The following LCTL variants were observed in gnomAD, a reference collection of about 807,000 sequenced individuals.
The protein encoded by LCTL is lactase-like protein.
Under a neutral mutation model 75.8 loss-of-function variants are expected in LCTL, and 76 were observed. That is an observed-to-expected ratio of 1.00 (90% CI 0.83 to 1.21). LCTL has a LOEUF of 1.21. Among genes scored for constraint, LCTL ranks in the 50% most tolerant of loss-of-function variants. The pLI, the probability that LCTL is intolerant of heterozygous loss-of-function variation, is 0.00. For synonymous variants in LCTL, 271 were observed against 268.8 expected (o/e 1.01, Z -0.08); for missense variants, 670 against 712.4 (o/e 0.94, Z 0.68).
chr15:66,565,096 AT>A (rs924828680), intron 1 of LCTL, 151 bp downstream of exon 2: 14 of 689,352 alleles, frequency 2.0e-5, no homozygotes, highest in African/African-American at 1.6e-4. Flanking sequence ...CAAAAAAAAA[AT>A]ATCTGTTAGG....
chr15:66,565,086 C>G lies in LCTL; in HGVS notation c.118+162G>C, dbSNP rs556291753. ...TTATCTGTGTAATTTTTAGTAACTT[C>G]AAAAAAAAAATATCTGTTAGGAGCT... On this transcript the variant is annotated intron_variant, in intron 1 of 12. Coordinates refer to ENST00000341509, the Ensembl canonical transcript of LCTL. Among the ~76,000 whole-genome samples the G allele has an allele frequency of 2.8e-4, 42 of 147,644 alleles. 1 individual carries two copies. In the East Asian group the frequency reaches 7.8e-3, roughly 28 times the overall value.
At chr15:66,560,377 C>T (rs1231098752) in intron 6 of LCTL, among the ~76,000 whole-genome samples, 1 of 152,082 alleles carries the variant, frequency 6.6e-6, no homozygotes, top group Admixed American at 6.6e-5. Context: ...CAAGGCTTTC[C>T]AGTAGCCCTT....
exon 10 of LCTL, chr15:66,552,150 G>T: frequency 1.2e-6 from 2 of 1,612,256 alleles, no homozygotes; most frequent in Non-Finnish European, 1.7e-6. Context: ...CACATATATG[G>T]GAGGATCACC....
At chr15:66,564,041 G>T in intron 2 of LCTL, 43 bp from the exon 4 acceptor site, 1 of 1,316,312 alleles carries the variant, frequency 7.6e-7, no homozygotes, top group Non-Finnish European at 1.1e-6. Context: ...TGGGCCCTGG[G>T]TATGGGAGGT....
exon 9 of LCTL, chr15:66,553,153 T>C: frequency 6.2e-7 from 1 of 1,611,832 alleles, no homozygotes; most frequent in Non-Finnish European, 8.5e-7. Context: ...AGTAGTAAAA[T>C]GACCTAATCC....
At position 66,558,120 on chromosome 15, in the gene LCTL, T is replaced by G. The variant is rs569033360; in HGVS notation, c.706-84A>C. On this transcript the variant is annotated intron_variant, in intron 6 of 12. Transcript: ENST00000341509. ...ATCTGAGTGGCCTTTCTTTGCTTCCTAACTTTAGAGCTATTATTTTCATCA... is the reference window on the plus strand; with the variant it reads ...ATCTGAGTGGCCTTTCTTTGCTTCCGAACTTTAGAGCTATTATTTTCATCA... 67 of 1,204,646 alleles carry G rather than the reference T, an allele frequency of 5.6e-5. 1 individual carries two copies. The South Asian group carries it at 8.3e-4, about 15-fold the overall frequency. 74.6% of individuals were successfully genotyped at this position (1,204,646 alleles called of 1,614,324 possible).
At chr15:66,564,585 C>T in intron 2 of LCTL, 91 bp downstream of exon 3, 3 of 1,427,098 alleles carry the variant, frequency 2.1e-6, no homozygotes, top group Non-Finnish European at 2.8e-6. Context: ...TCAGAGCTCC[C>T]CCAAACGTCA....
intron 2 of LCTL, 126 bp downstream of exon 3, chr15:66,564,550 G>A: frequency 8.7e-7 from 1 of 1,144,292 alleles, no homozygotes; most frequent in African/African-American, 1.6e-5. Context: ...AGGGTGTTTG[G>A]CAGAGCATGG....
intron 2 of LCTL, 37 bp downstream of exon 3, chr15:66,564,639 G>GTGTGCACA (rs745789959): frequency 1.8e-5 from 28 of 1,577,618 alleles, no homozygotes; most frequent in East Asian, 1.1e-4. Flanking sequence ...GTGTGTGCAC[G>GTGTGCACA]CGCGCGCACA....
intron 12 of LCTL, chr15:66,549,358 A>G (rs1895506973): frequency 6.6e-6 from 1 of 152,196 alleles, no homozygotes; most frequent in Non-Finnish European, 1.5e-5. Context: ...AAAAATAGCT[A>G]GTTTGGTAAG....
exon 8 of LCTL, chr15:66,557,724 A>G (rs1895771303): frequency 3.1e-6 from 5 of 1,613,920 alleles, no homozygotes; most frequent in Non-Finnish European, 4.2e-6. Context: ...GGGCTCACCA[A>G]TGTAGTCCTT....
exon 13 of LCTL, chr15:66,548,506 A>G: frequency 1.9e-6 from 3 of 1,601,650 alleles, no homozygotes; most frequent in Non-Finnish European, 8.6e-7. Context: ...CTGCCTCCTC[A>G]GGAGGAGCAT....
chr15:66,563,938 G>A, exon 3 of LCTL: 1 of 1,614,138 alleles, frequency 6.2e-7, no homozygotes, highest in South Asian at 1.1e-5. Context: ...AGGAGCCGGG[G>A]CCAAGACAGG....
intron 8 of LCTL, among the ~76,000 whole-genome samples, chr15:66,555,451 G>A (rs910893516): frequency 1.3e-5 from 2 of 151,956 alleles, no homozygotes; most frequent in African/African-American, 4.8e-5. Context: ...TGAGGCAGGA[G>A]AATCACTTGA....
intron 9 of LCTL, among the ~76,000 whole-genome samples, chr15:66,552,548 G>A (rs1490845160): frequency 6.6e-6 from 1 of 151,564 alleles, no homozygotes; most frequent in Non-Finnish European, 1.5e-5. Flanking sequence ...GCATACGCCT[G>A]TAATCCCAGC....
intron 10 of LCTL, 75 bp downstream of exon 11, chr15:66,551,968 C>A: frequency 6.4e-7 from 1 of 1,556,064 alleles, no homozygotes. Flanking sequence ...AAGCAAGTTT[C>A]AGTTGATTGT....
chr15:66,548,525 C>T (rs1895466929), exon 13 of LCTL: 6 of 1,612,356 alleles, frequency 3.7e-6, no homozygotes, highest in Non-Finnish European at 5.1e-6. Context: ...ATTAGTAGAA[C>T]AGCAGTGATG....
intron 6 of LCTL, among the ~76,000 whole-genome samples, chr15:66,560,185 T>C (rs986246465): frequency 1.3e-5 from 2 of 152,156 alleles, no homozygotes; most frequent in Admixed American, 6.5e-5. Context: ...CTCCCTGATA[T>C]GAGTTTGGGG....
At chr15:66,558,132 TA>T in intron 6 of LCTL, 96 bp from the exon 8 acceptor site, 1 of 1,063,020 alleles carries the variant, frequency 9.4e-7, no homozygotes, top group East Asian at 2.5e-5. Flanking sequence ...ACTTTAGAGC[TA>T]TTATTTTCAT....
Sources: gnomAD v4.1 joint callset for allele counts (sites outside exome capture counted in the v4.1 genomes callset) on GRCh38, gnomAD v4.1.1 for gene constraint, MANE v1.5 for transcripts, NCBI Gene and HGNC (gene_info 2026-07-23, HGNC 2026-07-21) for gene names.